FBXL13: variants seen among roughly 807,000 people sequenced by gnomAD.
FBXL13 encodes F-box and leucine-rich repeat protein 13.
Under a neutral mutation model 83.6 loss-of-function variants are expected in FBXL13, and 67 were observed. That is an observed-to-expected ratio of 0.80 (90% confidence interval 0.66 to 0.98). The LOEUF is 0.98. Ranked by LOEUF, FBXL13 falls within the 50% of genes least tolerant of loss-of-function variation. FBXL13 has a pLI of 0.00. For missense variants in FBXL13, 822 were observed against 866.5 expected (o/e 0.95, Z 0.64); for synonymous variants, 272 against 299.5 (o/e 0.91, Z 0.95).
At chr7:103,054,182 C>G (rs369344010) in intron 2 of FBXL13, among the ~76,000 whole-genome samples, 1 of 79,436 alleles carries the variant, frequency 1.3e-5, no homozygotes, top group Non-Finnish European at 3.5e-5. Flanking sequence ...GTCAGGAGTT[C>G]GAGACCAGCC....
At position 103,011,040 on chromosome 7, in the gene FBXL13, C is replaced by T. The variant is rs79365949; in HGVS notation, c.495+14023G>A. On this transcript the variant is annotated intron_variant, in intron 6 of 19. Coordinates refer to ENST00000313221, the Ensembl canonical transcript of FBXL13. ...AGAAGAAAAAAGCAAAAAAAAAATC[C>T]ATCCAAAGGACAGCAGTTTCAAAGA... 4.6e-5 allele frequency among the ~76,000 whole-genome samples: 7 copies of T among 152,144 alleles called. No individual in the cohort carries two copies. The East Asian group carries it at 1.2e-3, about 25-fold the overall frequency.
chr7:102,995,783 C>CTAAATAAA (rs59828511), intron 6 of FBXL13, among the ~76,000 whole-genome samples: 48,883 of 142,272 alleles, frequency 0.34, 8,611 homozygotes, highest in Middle Eastern at 0.38. Context: ...AAGACTCTGT[C>CTAAATAAA]TAAATAAATA....
intron 11 of FBXL13, among the ~76,000 whole-genome samples, chr7:102,912,468 T>C (rs943403290): frequency 2.0e-5 from 3 of 152,196 alleles, no homozygotes; most frequent in African/African-American, 7.2e-5. Flanking sequence ...AGGCAGTAGC[T>C]ACATCCAAAG....
chr7:102,999,334 G>A (rs1034756868), intron 6 of FBXL13, among the ~76,000 whole-genome samples: 3 of 152,008 alleles, frequency 2.0e-5, no homozygotes, highest in Non-Finnish European at 2.9e-5. Context: ...GTATTTTATC[G>A]AAGATTTTTG....
intron 17 of FBXL13, among the ~76,000 whole-genome samples, chr7:102,834,203 TA>T (rs1801430106): frequency 6.6e-6 from 1 of 151,010 alleles, no homozygotes; most frequent in African/African-American, 2.4e-5. Flanking sequence ...AGAATTATTA[TA>T]ATTATCTACA....
chr7:102,912,251 C>T (rs1190314400), intron 11 of FBXL13, among the ~76,000 whole-genome samples: 1 of 152,146 alleles, frequency 6.6e-6, no homozygotes, highest in Non-Finnish European at 1.5e-5. Context: ...GTGTATAGCA[C>T]TCAACACAAT....
chr7:103,059,049 CAGG>C lies in FBXL13; in HGVS notation c.-104-3305_-104-3303del, dbSNP rs144231792. Among the ~76,000 whole-genome samples, 10 of 152,230 alleles carry C rather than the reference CAGG, an allele frequency of 6.6e-5. No homozygotes were observed. The East Asian group carries it at 1.9e-3, about 29-fold the overall frequency. ...CCAAGGTGGGAGGTTTGCTTGAAGA[CAGG>C]AGTTCAGGACTACCCGGGGCAATAC... On this transcript the variant is annotated intron_variant, in intron 1 of 19. Coordinates refer to ENST00000313221, the Ensembl canonical transcript of FBXL13.
At chr7:103,034,972 A>G (rs1203856601) in intron 2 of FBXL13, among the ~76,000 whole-genome samples, 1 of 152,262 alleles carries the variant, frequency 6.6e-6, no homozygotes, top group African/African-American at 2.4e-5. Flanking sequence ...ACGAATTAAA[A>G]GTTTAAGTAT....
At chr7:102,990,224 G>A (rs1829419134) in intron 6 of FBXL13, among the ~76,000 whole-genome samples, 1 of 152,190 alleles carries the variant, frequency 6.6e-6, no homozygotes, top group African/African-American at 2.4e-5. Context: ...AACATCTGGA[G>A]GTACAGTCAG....
At chr7:102,934,523 C>A (rs149650054) in intron 8 of FBXL13, 232 of 1,607,822 alleles carry the variant, frequency 1.4e-4, no homozygotes, top group Non-Finnish European at 1.8e-4. Flanking sequence ...TAAAAAACTG[C>A]GGCAGATAAA....
rs1452031852 is a variant in FBXL13, at chr7:102,884,327, G to A, written c.1009-15C>T. ...TGGACTGAAATCTGAATTGTACAGA[G>A]TAGAAAATAATGGGAGAATGCATTA... On this transcript the variant is annotated splice_polypyrimidine_tract_variant and intron_variant, in intron 11 of 19. Coordinates refer to ENST00000313221, the Ensembl canonical transcript of FBXL13. 5.0e-6 allele frequency: 8 copies of A among 1,595,382 alleles called. No homozygotes were observed. The highest frequency in any genetic ancestry group is 1.3e-5 in the African/African-American group (1 of 74,550).
intron 2 of FBXL13, chr7:103,055,158 G>A (rs553799757): frequency 7.8e-7 from 1 of 1,288,538 alleles, no homozygotes; most frequent in East Asian, 5.6e-5. Context: ...TGGTTTCATT[G>A]ATGGAGTAAT....
At chr7:102,823,736 G>C (rs1799141336) in intron 18 of FBXL13, among the ~76,000 whole-genome samples, 1 of 152,172 alleles carries the variant, frequency 6.6e-6, no homozygotes, top group African/African-American at 2.4e-5. Context: ...CGTGAGGCTT[G>C]GCTCTTGTTT....
At chr7:103,042,707 C>T (rs1056814268) in intron 2 of FBXL13, among the ~76,000 whole-genome samples, 1 of 152,126 alleles carries the variant, frequency 6.6e-6, no homozygotes, top group Admixed American at 6.5e-5. Flanking sequence ...CTGAGAAAAA[C>T]AAGCAATGGG....
chr7:103,031,922 C>G (rs1386954691), intron 2 of FBXL13, among the ~76,000 whole-genome samples: 1 of 152,336 alleles, frequency 6.6e-6, no homozygotes, highest in Non-Finnish European at 1.5e-5. Flanking sequence ...TAGCCCTCCA[C>G]TCTTACCCTC....
intron 16 of FBXL13, among the ~76,000 whole-genome samples, chr7:102,860,421 G>C (rs1806636492): frequency 6.6e-6 from 1 of 152,220 alleles, no homozygotes; most frequent in Admixed American, 6.5e-5. Context: ...AATGGGAACA[G>C]TGTTTCAGGC....
Position 102,943,798 on chromosome 7 carries a change from A to G in FBXL13, c.725-11865T>C, listed in dbSNP as rs547338610. ...AATTCATCCTAACTTTACCTGGTAA[A>G]TGGAGTGACCATCTGTGTTAGCTTA... On this transcript the variant is annotated intron_variant, in intron 8 of 19. Coordinates refer to ENST00000313221, the Ensembl canonical transcript of FBXL13. Among the ~76,000 whole-genome samples the G allele has an allele frequency of 1.0e-3, 156 of 152,362 alleles. 1 individual carries two copies. The highest frequency in any genetic ancestry group is 1.9e-3 in the Non-Finnish European group (129 of 68,032).
intron 2 of FBXL13, chr7:103,047,058 C>T (rs1427972894): frequency 7.2e-5 from 11 of 152,142 alleles, no homozygotes; most frequent in Admixed American, 3.3e-4. Context: ...ATTACTGTAG[C>T]ATAAAACATG....
chr7:102,942,377 T>A, intron 8 of FBXL13: 1 of 1,498,036 alleles, frequency 6.7e-7, no homozygotes, highest in Non-Finnish European at 9.0e-7. Context: ...TTGCCAGACT[T>A]TAAAAGACGT....
Sources: gnomAD v4.1 joint callset for allele counts (sites outside exome capture counted in the v4.1 genomes callset) on GRCh38, gnomAD v4.1.1 for gene constraint, MANE v1.5 for transcripts, NCBI Gene and HGNC (gene_info 2026-07-23, HGNC 2026-07-21) for gene names.